Variants in ATXN1 observed in about 807,000 individuals in gnomAD.
The protein encoded by ATXN1 is ataxin 1.
In ATXN1, 8 loss-of-function variants were observed where a neutral mutation model predicts 56.4. The ratio of observed to expected loss-of-function variants is 0.14; its 90% CI spans 0.08 to 0.26. The LOEUF (loss-of-function observed/expected upper bound fraction) is 0.26, where lower values mean the gene tolerates loss of function less well. Ranked by LOEUF, ATXN1 falls within the 10% of genes least tolerant of loss-of-function variation. The pLI is 1.00. For missense variants in ATXN1, 987 were observed against 1,106.5 expected (o/e 0.89, Z 1.53); for synonymous variants, 514 against 494.6 (o/e 1.04, Z -0.52).
intron 6 of ATXN1, among the ~76,000 whole-genome samples, chr6:16,365,406 G>A (rs1299849029): frequency 6.6e-6 from 1 of 151,918 alleles, no homozygotes; most frequent in Non-Finnish European, 1.5e-5. Flanking sequence ...TCGAACTCCT[G>A]ACCTCAGGTG....
intron 6 of ATXN1, among the ~76,000 whole-genome samples, chr6:16,437,641 T>C (rs560716762): frequency 1.1e-4 from 17 of 152,364 alleles, no homozygotes; most frequent in African/African-American, 3.6e-4. Context: ...ACAGAAAACA[T>C]AGATAATCCA....
At chr6:16,482,199 GAGGCATTCACTTAGTGAATGTCATTT>G (rs1441694648) in intron 6 of ATXN1, among the ~76,000 whole-genome samples, 36 of 152,230 alleles carry the variant, frequency 2.4e-4, no homozygotes, top group Admixed American at 1.1e-3. Context: ...CCACACATGA[GAGGCATTCACTTAGTGAATGTCATTT>G]AGGCATTCAC....
chr6:16,337,431 G>A lies in ATXN1; in HGVS notation c.-160-8961C>T, dbSNP rs144562054. The stretch of plus-strand genomic sequence containing the variant: ...CTTGGCTGGGCCATCCCTAGAAGCC[G>A]GCTCACATGGAAAACGCGCTGCAGT... On this transcript the variant is annotated intron_variant, in intron 6 of 7. Coordinates refer to ENST00000436367, the MANE Select transcript of ATXN1 (RefSeq NM_001128164.2). Among the ~76,000 whole-genome samples, 69 of 152,320 alleles carry A rather than the reference G, an allele frequency of 4.5e-4. No individual in the cohort carries two copies. The East Asian group carries it at 5.0e-3, about 11-fold the overall frequency.
intron 6 of ATXN1, among the ~76,000 whole-genome samples, chr6:16,444,454 A>G (rs1318176205): frequency 6.6e-6 from 1 of 152,196 alleles, no homozygotes; most frequent in Non-Finnish European, 1.5e-5. Context: ...ATGCTCAGAC[A>G]GGGGACCATC....
intron 6 of ATXN1, among the ~76,000 whole-genome samples, chr6:16,464,787 G>A (rs1760070265): frequency 6.6e-6 from 1 of 150,754 alleles, no homozygotes; most frequent in Non-Finnish European, 1.5e-5. Flanking sequence ...GGATTGGGAG[G>A]AACAAATAAG....
chr6:16,530,393 T>G (rs1761480839), intron 4 of ATXN1, among the ~76,000 whole-genome samples: 1 of 152,220 alleles, frequency 6.6e-6, no homozygotes, highest in Non-Finnish European at 1.5e-5. Context: ...CAATACTGTA[T>G]CAATGCCCAT....
chr6:16,414,261 TG>T lies in ATXN1; in HGVS notation c.-161+71710del, dbSNP rs531243301. Among the ~76,000 whole-genome samples the T allele has an allele frequency of 5.5e-3, 842 of 152,354 alleles. 5 individuals carry two copies. Among genetic ancestry groups the T allele is most frequent in the Non-Finnish European group, 5.9e-3 (398 of 68,034 alleles). On this transcript the variant is annotated intron_variant, in intron 6 of 7. Coordinates refer to ENST00000436367, the MANE Select transcript of ATXN1 (RefSeq NM_001128164.2). Reference sequence around the variant, plus strand: ...ACCTTTGGTCAGTTCCTCAGCATATTGTACCCTAAATGAGGTGATGAGACAG... The same window carrying T: ...ACCTTTGGTCAGTTCCTCAGCATATTTACCCTAAATGAGGTGATGAGACAG...
chr6:16,496,387 A>C (rs2113668780), intron 5 of ATXN1, among the ~76,000 whole-genome samples: 1 of 152,314 alleles, frequency 6.6e-6, no homozygotes, highest in South Asian at 2.1e-4. Flanking sequence ...CGGGTAAGTA[A>C]CAAGAAATAC....
chr6:16,708,390 C>CAT (rs1219723805), intron 2 of ATXN1, among the ~76,000 whole-genome samples: 3 of 18,974 alleles, frequency 1.6e-4, no homozygotes, highest in Admixed American at 5.6e-4. Context: ...AAAAATTCCC[C>CAT]ACGTCTGTGA....
chr6:16,697,322 TC>T (rs1298661065), intron 2 of ATXN1, among the ~76,000 whole-genome samples: 3 of 152,194 alleles, frequency 2.0e-5, no homozygotes, highest in African/African-American at 7.2e-5. Flanking sequence ...TCTTCAACTA[TC>T]TGTTTGCTTT....
intron 4 of ATXN1, among the ~76,000 whole-genome samples, chr6:16,548,445 C>G (rs1222389905): frequency 2.0e-5 from 3 of 152,166 alleles, no homozygotes; most frequent in Non-Finnish European, 4.4e-5. Context: ...ATAAATTAAA[C>G]TTAGCTTACT....
At chr6:16,744,639 A>C (rs1401808806) in intron 2 of ATXN1, among the ~76,000 whole-genome samples, 1 of 152,124 alleles carries the variant, frequency 6.6e-6, no homozygotes, top group Non-Finnish European at 1.5e-5. Flanking sequence ...GAGAAGGGGA[A>C]AGGGGCCCTT....
chr6:16,468,948 C>A (rs1448605532), intron 6 of ATXN1, among the ~76,000 whole-genome samples: 1 of 151,810 alleles, frequency 6.6e-6, no homozygotes, highest in Non-Finnish European at 1.5e-5. Context: ...AGAGGTTGAT[C>A]CACTCATCTG....
At chr6:16,742,448 G>T (rs921294536) in intron 2 of ATXN1, among the ~76,000 whole-genome samples, 1 of 152,226 alleles carries the variant, frequency 6.6e-6, no homozygotes, top group African/African-American at 2.4e-5. Context: ...CTTGGAACCT[G>T]CCAGGGCAGG....
intron 6 of ATXN1, among the ~76,000 whole-genome samples, chr6:16,346,062 A>ATTAT (rs886791297): frequency 1.5e-4 from 23 of 152,152 alleles, no homozygotes; most frequent in Admixed American, 7.2e-4. Context: ...TATTCTTTTA[A>ATTAT]TTATTTATTT....
At chr6:16,567,382 C>T (rs944801981) in intron 4 of ATXN1, among the ~76,000 whole-genome samples, 2 of 152,166 alleles carry the variant, frequency 1.3e-5, no homozygotes, top group African/African-American at 2.4e-5. Context: ...CTGGTATTCA[C>T]TAAATTTTAA....
At chr6:16,664,334 C>T (rs3812189) in intron 2 of ATXN1, among the ~76,000 whole-genome samples, 32,818 of 152,002 alleles carry the variant, frequency 0.22, 3,684 homozygotes, top group South Asian at 0.36. Flanking sequence ...TTTTATAGGC[C>T]TCTCTCTAAA....
chr6:16,339,639 A>T (rs1761199976), intron 6 of ATXN1, among the ~76,000 whole-genome samples: 1 of 152,228 alleles, frequency 6.6e-6, no homozygotes, highest in Non-Finnish European at 1.5e-5. Context: ...CATTTCAAAG[A>T]CAAGGACATT....
At chr6:16,558,115 T>C (rs1018263942) in intron 4 of ATXN1, among the ~76,000 whole-genome samples, 2 of 152,086 alleles carry the variant, frequency 1.3e-5, no homozygotes, top group Non-Finnish European at 2.9e-5. Flanking sequence ...TATAATTCTA[T>C]GAATAGATTA....
Sources: gnomAD v4.1 joint callset for allele counts (sites outside exome capture counted in the v4.1 genomes callset) on GRCh38, gnomAD v4.1.1 for gene constraint, MANE v1.5 for transcripts, NCBI Gene and HGNC (gene_info 2026-07-23, HGNC 2026-07-21) for gene names.